Variants in KLHL32 observed in about 807,000 individuals in gnomAD.
KLHL32 encodes the protein kelch like family member 32, also known as kelch-like protein 32.
In KLHL32, 35 loss-of-function variants were observed where a neutral mutation model predicts 64.8. The observed-to-expected ratio is 0.54, with a 90% confidence interval of 0.41 to 0.72. KLHL32 has a LOEUF of 0.72. KLHL32 is among the 30% of genes least tolerant of loss of function. The pLI is 0.00. For missense variants in KLHL32, 589 were observed against 768.5 expected (o/e 0.77, Z 2.76); for synonymous variants, 259 against 281.0 (o/e 0.92, Z 0.78).
intron 6 of KLHL32, among the ~76,000 whole-genome samples, chr6:97,085,950 TG>T (rs1364235604): frequency 6.6e-6 from 1 of 152,192 alleles, no homozygotes; most frequent in African/African-American, 2.4e-5. Context: ...GAGGATGTTT[TG>T]TGGTTTGAAG....
At chr6:97,107,466 G>C (rs1397276018) in intron 6 of KLHL32, among the ~76,000 whole-genome samples, 1 of 152,204 alleles carries the variant, frequency 6.6e-6, no homozygotes, top group Non-Finnish European at 1.5e-5. Flanking sequence ...CTTGGGTTAA[G>C]TCGGTTAACT....
intron 5 of KLHL32, among the ~76,000 whole-genome samples, chr6:97,073,050 A>T (rs924846847): frequency 1.3e-5 from 2 of 152,198 alleles, no homozygotes; most frequent in African/African-American, 4.8e-5. Context: ...ACAGTATCCT[A>T]CATCGGTGAG....
intron 1 of KLHL32, among the ~76,000 whole-genome samples, chr6:96,937,568 A>T (rs554490109): frequency 2.0e-5 from 3 of 152,232 alleles, no homozygotes; most frequent in Non-Finnish European, 1.5e-5. Context: ...CAGGGAGATG[A>T]GCTGACTCCT....
chr6:97,139,100 T>G (rs770014745), intron 10 of KLHL32, 21 bp from the exon 11 acceptor site: 7 of 1,598,566 alleles, frequency 4.4e-6, no homozygotes, highest in South Asian at 1.1e-5. Context: ...TACACAAGCT[T>G]CTTCTCTTCC....
chr6:97,068,244 C>A (rs1790130969), intron 5 of KLHL32, among the ~76,000 whole-genome samples: 1 of 152,020 alleles, frequency 6.6e-6, no homozygotes, highest in African/African-American at 2.4e-5. Context: ...TATTAACAAC[C>A]ATTCTTTATG....
chr6:97,070,663 A>C (rs1359785536), intron 5 of KLHL32, among the ~76,000 whole-genome samples: 2 of 152,226 alleles, frequency 1.3e-5, no homozygotes, highest in Non-Finnish European at 2.9e-5. Flanking sequence ...ATCTCTTGAA[A>C]GAGTTCACTA....
intron 3 of KLHL32, among the ~76,000 whole-genome samples, chr6:97,028,734 A>C (rs903256835): frequency 2.0e-5 from 3 of 152,214 alleles, no homozygotes; most frequent in Admixed American, 2.0e-4. Flanking sequence ...TATGCGAGAG[A>C]TCAAACAGCC....
intron 3 of KLHL32, chr6:97,025,054 T>C (rs1418158372): frequency 1.0e-6 from 1 of 985,072 alleles, no homozygotes; most frequent in South Asian, 4.7e-5. Context: ...ATAATAAAGC[T>C]GATGGAATTT....
At chr6:96,975,308 A>G (rs1775571362) in intron 2 of KLHL32, among the ~76,000 whole-genome samples, 1 of 152,240 alleles carries the variant, frequency 6.6e-6, no homozygotes, top group African/African-American at 2.4e-5. Context: ...GATCACACAT[A>G]GAAACTAAAT....
At chr6:97,135,167 A>G (rs1033031599) in intron 10 of KLHL32, among the ~76,000 whole-genome samples, 2 of 152,180 alleles carry the variant, frequency 1.3e-5, no homozygotes, top group African/African-American at 4.8e-5. Context: ...TTGCTTTTAA[A>G]TAAAAGTCAG....
chr6:97,021,206 A>G (rs938478654), intron 3 of KLHL32, among the ~76,000 whole-genome samples: 4 of 150,866 alleles, frequency 2.7e-5, no homozygotes, highest in Admixed American at 1.3e-4. Context: ...TTAGGGGCAC[A>G]TGTGCAGGTT....
Position 96,970,596 on chromosome 6 carries a change from G to T in KLHL32, c.23+3513G>T, listed in dbSNP as rs117891555. Among the ~76,000 whole-genome samples, 1,268 of 152,270 alleles carry T rather than the reference G, an allele frequency of 8.3e-3. 13 individuals carry two copies. The highest frequency in any genetic ancestry group is 0.012 in the South Asian group (60 of 4,824). On this transcript the variant is annotated intron_variant, in intron 2 of 10. Coordinates refer to ENST00000369261, the MANE Select transcript of KLHL32 (RefSeq NM_052904.4). ...TGAGGGCTGCTACCACATATGGTTT[G>T]CTCACCATTTTATCCCCAGTACCCA...
intron 4 of KLHL32, among the ~76,000 whole-genome samples, chr6:97,051,408 C>T (rs1766454): frequency 0.18 from 27,189 of 152,162 alleles, 2,906 homozygotes; most frequent in African/African-American, 0.31. Flanking sequence ...AATAAACAGT[C>T]TTTCTCTGAC....
At chr6:97,011,167 C>G (rs1380701909) in intron 3 of KLHL32, among the ~76,000 whole-genome samples, 1 of 152,118 alleles carries the variant, frequency 6.6e-6, no homozygotes. Context: ...TCTTGTCTAG[C>G]CAAGTTCACG....
chr6:97,006,638 G>A (rs1009061882), intron 3 of KLHL32, among the ~76,000 whole-genome samples: 4 of 152,120 alleles, frequency 2.6e-5, no homozygotes, highest in Non-Finnish European at 5.9e-5. Context: ...AATGGTCTTT[G>A]TTTCCATGGT....
chr6:96,990,163 T>A lies in KLHL32; in HGVS notation c.204+13986T>A, dbSNP rs191965258. On this transcript the variant is annotated intron_variant, in intron 3 of 10. Coordinates refer to ENST00000369261, the MANE Select transcript of KLHL32 (RefSeq NM_052904.4). ...CAGTTGTTTGGAGAAAAAGACACTCTGGCTTTTTGACTTGCCAGAGTTTTT... is the reference window on the plus strand; with the variant it reads ...CAGTTGTTTGGAGAAAAAGACACTCAGGCTTTTTGACTTGCCAGAGTTTTT... Among the ~76,000 whole-genome samples the A allele has an allele frequency of 5.1e-4, 78 of 152,340 alleles. 1 individual carries two copies. Among genetic ancestry groups the A allele is most frequent in the African/African-American group, 1.9e-3 (78 of 41,576 alleles).
In KLHL32 at chr6:97,122,703, T is replaced by G. The variant is rs545350596; in HGVS notation, c.1355-4701T>G. ...GCTACAGGATTGTAGCAAACTTCCCTCTGTGGATTGTCTCTATGCTTTGCA... is the reference window on the plus strand; with the variant it reads ...GCTACAGGATTGTAGCAAACTTCCCGCTGTGGATTGTCTCTATGCTTTGCA... On this transcript the variant is annotated intron_variant, in intron 7 of 10. Transcript: ENST00000369261. 9.2e-5 allele frequency among the ~76,000 whole-genome samples: 14 copies of G among 152,320 alleles called. No individual in the cohort carries two copies. In the South Asian group the frequency reaches 2.5e-3, roughly 27 times the overall value.
At chr6:97,016,607 T>G (rs1051100056) in intron 3 of KLHL32, among the ~76,000 whole-genome samples, 1 of 152,214 alleles carries the variant, frequency 6.6e-6, no homozygotes, top group Non-Finnish European at 1.5e-5. Flanking sequence ...GATGAGACTT[T>G]GGATTTGGAC....
intron 3 of KLHL32, among the ~76,000 whole-genome samples, chr6:97,005,970 G>T (rs1329011465): frequency 2.0e-5 from 3 of 152,130 alleles, no homozygotes; most frequent in Admixed American, 2.0e-4. Context: ...GTACAGAAGA[G>T]AAGAATGTAT....
Sources: gnomAD v4.1 joint callset for allele counts (sites outside exome capture counted in the v4.1 genomes callset) on GRCh38, gnomAD v4.1.1 for gene constraint, MANE v1.5 for transcripts, NCBI Gene and HGNC (gene_info 2026-07-23, HGNC 2026-07-21) for gene names.